PDE3A: variants seen among roughly 807,000 people sequenced by gnomAD.
PDE3A encodes the protein cGMP-inhibited 3',5'-cyclic phosphodiesterase 3A.
In PDE3A, 43 loss-of-function variants were observed where a neutral mutation model predicts 98.3. That is an observed-to-expected ratio of 0.44 (90% CI 0.34 to 0.56). The LOEUF (loss-of-function observed/expected upper bound fraction) is 0.56, where lower values mean the gene tolerates loss of function less well. Among genes scored for constraint, PDE3A ranks in the 20% least tolerant of loss-of-function variants. The probability of loss-of-function intolerance (pLI) is 0.01; values close to 1 mark genes in which losing one functional copy is unlikely to be tolerated. For synonymous variants in PDE3A, 663 were observed against 567.9 expected (o/e 1.17, Z -2.38); for missense variants, 1,427 against 1,440.7 (o/e 0.99, Z 0.15).
chr12:20,525,028 A>G (rs1229933831), intron 1 of PDE3A, among the ~76,000 whole-genome samples: 1 of 152,132 alleles, frequency 6.6e-6, no homozygotes, highest in East Asian at 1.9e-4. Context: ...GCTACTTGGG[A>G]GGCTGAGGCA....
chr12:20,410,271 A>G (rs574561787), intron 1 of PDE3A, among the ~76,000 whole-genome samples: 1 of 152,236 alleles, frequency 6.6e-6, no homozygotes, highest in African/African-American at 2.4e-5. Context: ...GCTGCACTCA[A>G]TTGTACGTCC....
At chr12:20,635,216 C>T (rs529355948) in intron 8 of PDE3A, among the ~76,000 whole-genome samples, 160 bp downstream of exon 8, 3 of 152,146 alleles carry the variant, frequency 2.0e-5, no homozygotes, top group Non-Finnish European at 2.9e-5. Flanking sequence ...GTCAGGAGTT[C>T]GAGACCAGCC....
At chr12:20,540,138 C>T (rs1267900992) in intron 1 of PDE3A, among the ~76,000 whole-genome samples, 1 of 152,096 alleles carries the variant, frequency 6.6e-6, no homozygotes, top group Non-Finnish European at 1.5e-5. Context: ...CAATTTTTAA[C>T]CACATTGTCT....
At chr12:20,496,191 GAT>G (rs1945915597) in intron 1 of PDE3A, among the ~76,000 whole-genome samples, 1 of 152,174 alleles carries the variant, frequency 6.6e-6, no homozygotes, top group African/African-American at 2.4e-5. Flanking sequence ...GGAGGAAAGA[GAT>G]AGATGAGTGC....
intron 1 of PDE3A, among the ~76,000 whole-genome samples, chr12:20,386,699 T>C (rs190428152): frequency 6.6e-6 from 1 of 151,992 alleles, no homozygotes; most frequent in Non-Finnish European, 1.5e-5. Context: ...GTCAGATGAA[T>C]AGATTGCAAA....
Position 20,678,935 on chromosome 12 carries a change from G to A in PDE3A, c.3185-1095G>A, listed in dbSNP as rs529614171. 9.2e-5 allele frequency among the ~76,000 whole-genome samples: 14 copies of A among 152,160 alleles called. No homozygotes were observed. The East Asian group carries it at 1.4e-3, about 15-fold the overall frequency. On this transcript the variant is annotated intron_variant, in intron 15 of 15. Coordinates refer to ENST00000359062, the MANE Select transcript of PDE3A (RefSeq NM_000921.5). Reference sequence around the variant, plus strand: ...AAGTTCCCCCTAAATGATTTTGGACGCACAGTTACCAGAAGAAGAGATAAA... The same window carrying A: ...AAGTTCCCCCTAAATGATTTTGGACACACAGTTACCAGAAGAAGAGATAAA...
chr12:20,590,042 T>C (rs963807107), intron 2 of PDE3A, among the ~76,000 whole-genome samples: 14 of 152,116 alleles, frequency 9.2e-5, no homozygotes, highest in African/African-American at 3.1e-4. Flanking sequence ...TACATGGATG[T>C]GAAGGCCACT....
chr12:20,497,392 T>A (rs886779418), intron 1 of PDE3A, among the ~76,000 whole-genome samples: 2 of 151,674 alleles, frequency 1.3e-5, no homozygotes, highest in African/African-American at 4.8e-5. Flanking sequence ...TTCTTCATAA[T>A]CTCTTAACTG....
At chr12:20,531,759 A>G (rs2121188760) in intron 1 of PDE3A, among the ~76,000 whole-genome samples, 1 of 152,310 alleles carries the variant, frequency 6.6e-6, no homozygotes, top group Non-Finnish European at 1.5e-5. Context: ...TTGCGCTATT[A>G]TTAAACAAAT....
chr12:20,436,323 T>C (rs560473965), intron 1 of PDE3A, among the ~76,000 whole-genome samples: 2 of 152,046 alleles, frequency 1.3e-5, no homozygotes, highest in Admixed American at 6.6e-5. Context: ...GGAGAGGGGC[T>C]ATACTAAAAA....
intron 15 of PDE3A, among the ~76,000 whole-genome samples, chr12:20,660,629 A>G (rs1945145112): frequency 2.0e-5 from 3 of 152,192 alleles, no homozygotes; most frequent in Admixed American, 2.0e-4. Context: ...GATAGTGAAT[A>G]AGTCTCACAA....
Position 20,369,827 on chromosome 12 carries a change from G to A in PDE3A, c.543G>A (p.Gly181=), listed in dbSNP as rs1943430012. The change falls in exon 1 of 16, where the codon GGG becomes GGA. Residue 181 remains glycine, a synonymous_variant. Transcript: ENST00000359062. ...TCGTCCAGATTGGGCTGGGCGTCGG[G>A]GAGGATCACTTACTCTCACTCCCCG... ...EALVQIGLGV[G]EDHLLSLPAA... is the part of the protein sequence containing the mutation. 1.9e-6 allele frequency: 3 copies of A among 1,611,844 alleles called. No individual in the cohort carries two copies. Among genetic ancestry groups the A allele is most frequent in the African/African-American group, 1.3e-5 (1 of 74,898 alleles).
rs1428112660 is a variant in PDE3A at position 20,638,874 on chromosome 12, G to A, written c.2140-972G>A. ...TAGTGCAGGTTTTTTTTTTAAATAT[G>A]TATCTTATAGAAGAAGAAACTAAGG... On this transcript the variant is annotated intron_variant, in intron 9 of 15. Transcript: ENST00000359062. Among the ~76,000 whole-genome samples, 15 of 151,528 alleles carry A rather than the reference G, an allele frequency of 9.9e-5. No homozygotes were observed. The East Asian group carries it at 2.7e-3, about 28-fold the overall frequency.
Position 20,612,665 on chromosome 12 carries a change from T to TATA in PDE3A, c.1012-777_1012-776insTAA, listed in dbSNP as rs1443875125. Among the ~76,000 whole-genome samples, 25 of 8,806 alleles carry TATA rather than the reference T, an allele frequency of 2.8e-3. 1 individual carries two copies. The highest frequency in any genetic ancestry group is 6.1e-3 in the African/African-American group (24 of 3,922). 5.8% of individuals were successfully genotyped at this position (8,806 alleles called of 152,430 possible). Reference sequence around the variant, plus strand: ...TATAAGTAACTATATATAAGTAATATAGTTACTTATATAAGTAACTATATA... The same window carrying TATA: ...TATAAGTAACTATATATAAGTAATATATAAGTTACTTATATAAGTAACTATATA... On this transcript the variant is annotated intron_variant, in intron 2 of 15. Transcript: ENST00000359062.
At chr12:20,429,031 A>C (rs973379433) in intron 1 of PDE3A, among the ~76,000 whole-genome samples, 1 of 152,248 alleles carries the variant, frequency 6.6e-6, no homozygotes, top group Non-Finnish European at 1.5e-5. Flanking sequence ...AGAAAATTTC[A>C]ATGTTTTTAC....
At chr12:20,576,716 G>A (rs1360051112) in intron 2 of PDE3A, among the ~76,000 whole-genome samples, 1 of 152,112 alleles carries the variant, frequency 6.6e-6, no homozygotes, top group Admixed American at 6.6e-5. Flanking sequence ...AATATAATTT[G>A]TCAAGTAGAA....
intron 1 of PDE3A, among the ~76,000 whole-genome samples, chr12:20,398,362 T>C (rs999504449): frequency 5.3e-5 from 8 of 151,642 alleles, no homozygotes; most frequent in African/African-American, 1.9e-4. Context: ...TTTCTCAATT[T>C]ATATATATCA....
At position 20,654,018 on chromosome 12, in the gene PDE3A, C is replaced by A. The variant is rs1944982281; in HGVS notation, c.2997C>A (p.Asn999Lys). 6.2e-7 allele frequency: 1 copy of A among 1,614,078 alleles called. No homozygotes were observed. The highest frequency in any genetic ancestry group is 8.5e-7 in the Non-Finnish European group (1 of 1,179,962). The change falls in exon 15 of 16, where the codon AAC becomes AAA. Residue 999 changes from asparagine to lysine, a missense_variant. Around this residue, in one of 3 missense-constraint regions of PDE3A, gnomAD observed 273 missense variants for 420.3 expected, o/e 0.65. Transcript: ENST00000359062. ...ATCGTTCTGCTCCTCAGCTGGCCAA[C>A]CTTCAGGAATCCTTCATCTCTCACA... ...FMDRSAPQLA[N>K]LQESFISHIV...
At position 20,686,916 on chromosome 12, in the gene PDE3A, C is replaced by G. The variant is rs1945980293; in HGVS notation, c.*6645C>G. 6.6e-6 allele frequency among the ~76,000 whole-genome samples: 1 copy of G among 152,088 alleles called. No homozygotes were observed. The highest frequency in any genetic ancestry group is 2.4e-5 in the African/African-American group (1 of 41,422). ...TTGCAGGGTATCCCAGGACACCCCTCAGTCTTTAATACAAACCAATTTAGT... is the reference window on the plus strand; with the variant it reads ...TTGCAGGGTATCCCAGGACACCCCTGAGTCTTTAATACAAACCAATTTAGT... On this transcript the variant is annotated 3_prime_UTR_variant, in exon 16 of 16. Transcript: ENST00000359062.
Sources: gnomAD v4.1 joint callset for allele counts (sites outside exome capture counted in the v4.1 genomes callset) on GRCh38, gnomAD v4.1.1 for gene constraint, gnomAD v4.1.1 regional missense constraint, MANE v1.5 for transcripts, NCBI Gene and HGNC (gene_info 2026-07-23, HGNC 2026-07-21) for gene names.